The following CSMD3 variants were observed in gnomAD, a reference collection of about 807,000 sequenced individuals.
CSMD3 encodes the protein CUB and sushi domain-containing protein 3.
Under a neutral mutation model 435.2 loss-of-function variants are expected in CSMD3, and 177 were observed. The ratio of observed to expected loss-of-function variants is 0.41; its 90% CI spans 0.36 to 0.46. The LOEUF (loss-of-function observed/expected upper bound fraction) is 0.46, where lower values mean the gene tolerates loss of function less well. Ranked by LOEUF, CSMD3 falls within the 20% of genes least tolerant of loss-of-function variation. CSMD3 has a pLI of 0.34. For synonymous variants in CSMD3, 1,656 were observed against 1,520.5 expected, an observed-to-expected ratio of 1.09 and a Z score of -2.07; for missense variants, 4,265 against 4,504.6, an observed-to-expected ratio of 0.95 and a Z score of 1.52.
At chr8:112,649,549 A>G (rs2075068971) in intron 19 of CSMD3, among the ~76,000 whole-genome samples, 2 of 152,236 alleles carry the variant, frequency 1.3e-5, no homozygotes, top group Admixed American at 1.3e-4. Flanking sequence ...CAAGCATGCA[A>G]GCACTTCCCA....
At chr8:113,074,809 A>G (rs1278227888) in intron 5 of CSMD3, among the ~76,000 whole-genome samples, 1 of 151,860 alleles carries the variant, frequency 6.6e-6, no homozygotes, top group African/African-American at 2.4e-5. Context: ...AGTAAGGTTA[A>G]TTTCAAGGGC....
chr8:113,032,850 T>G (rs1224745667), intron 5 of CSMD3, among the ~76,000 whole-genome samples: 2 of 151,430 alleles, frequency 1.3e-5, no homozygotes, highest in Non-Finnish European at 1.5e-5. Flanking sequence ...TGGGCTGCAC[T>G]CAGGGCCCCA....
chr8:113,370,227 T>A (rs1002044723), intron 1 of CSMD3, among the ~76,000 whole-genome samples: 1 of 151,104 alleles, frequency 6.6e-6, no homozygotes, highest in Admixed American at 6.6e-5. Flanking sequence ...AAAAAACACA[T>A]AAAAGGATTG....
intron 1 of CSMD3, among the ~76,000 whole-genome samples, chr8:113,414,003 AGAC>A (rs546733933): frequency 5.3e-4 from 80 of 152,344 alleles, no homozygotes; most frequent in Non-Finnish European, 9.8e-4. Flanking sequence ...AGGAAACAGA[AGAC>A]GAAATAGGAG....
intron 5 of CSMD3, among the ~76,000 whole-genome samples, chr8:113,077,844 A>G (rs948575960): frequency 7.9e-5 from 12 of 152,356 alleles, no homozygotes; most frequent in South Asian, 2.1e-4. Context: ...AAACAGTATG[A>G]AAATGAAACA....
chr8:113,267,558 A>G (rs543911396), intron 3 of CSMD3, among the ~76,000 whole-genome samples: 2 of 151,822 alleles, frequency 1.3e-5, no homozygotes, highest in African/African-American at 4.8e-5. Context: ...CAAATGAGGT[A>G]GATGGTGGGA....
intron 27 of CSMD3, among the ~76,000 whole-genome samples, chr8:112,523,755 A>G (rs191427069): frequency 3.7e-4 from 56 of 152,164 alleles, no homozygotes; most frequent in African/African-American, 1.3e-3. Context: ...TGATCCATCA[A>G]TTTTATAAAG....
At chr8:113,004,605 C>A (rs574999956) in intron 6 of CSMD3, among the ~76,000 whole-genome samples, 9 of 151,776 alleles carry the variant, frequency 5.9e-5, no homozygotes, top group Non-Finnish European at 2.9e-5. Flanking sequence ...GAGCATTGAG[C>A]GCAAGATTTA....
In CSMD3 at chr8:112,241,568, T is replaced by A. The variant is rs566108857; in HGVS notation, c.10468+152A>T. Reference sequence around the variant, plus strand: ...TAACATGTCACTGTATTACATTGCTTTAAATTCAACATCTTGTGAATTATC... The same window carrying A: ...TAACATGTCACTGTATTACATTGCTATAAATTCAACATCTTGTGAATTATC... On this transcript the variant is annotated intron_variant, in intron 66 of 70. Transcript: ENST00000297405. The A allele has an allele frequency of 1.5e-4, 96 of 633,974 alleles. No homozygotes were observed. The South Asian group carries it at 1.7e-3, about 11-fold the overall frequency. 39.3% of individuals were successfully genotyped at this position (633,974 alleles called of 1,614,324 possible).
intron 37 of CSMD3, 75 bp downstream of exon 37, chr8:112,383,492 T>C (rs1440032146): frequency 2.4e-6 from 2 of 818,764 alleles, no homozygotes; most frequent in Non-Finnish European, 4.2e-6. Flanking sequence ...AAGTAAGAGT[T>C]GTAGATAGCT....
At chr8:113,215,002 A>G (rs1041013449) in intron 3 of CSMD3, among the ~76,000 whole-genome samples, 10 of 151,932 alleles carry the variant, frequency 6.6e-5, no homozygotes, top group African/African-American at 2.4e-4. Context: ...AAACAATGAT[A>G]GTGTAAAGAG....
rs186150965 is a variant in CSMD3, at chr8:112,714,744, C to G, written c.1973-24694G>C. ...ACAGTCTCTCAGACCACAGTGCAAT[C>G]AAATTAGAACTCAGGATTATGAAAC... On this transcript the variant is annotated intron_variant, in intron 13 of 70. Coordinates refer to ENST00000297405, the MANE Select transcript of CSMD3 (RefSeq NM_198123.2). Among the ~76,000 whole-genome samples, 17 of 152,270 alleles carry G rather than the reference C, an allele frequency of 1.1e-4. No individual in the cohort carries two copies. In the East Asian group the frequency reaches 3.3e-3, roughly 29 times the overall value.
chr8:112,898,882 G>A (rs2130412899), intron 10 of CSMD3, among the ~76,000 whole-genome samples: 1 of 151,250 alleles, frequency 6.6e-6, no homozygotes, highest in East Asian at 2.0e-4. Context: ...GGAAACTGCA[G>A]AAGACATAAA....
At chr8:113,201,270 A>C (rs1316360104) in intron 3 of CSMD3, among the ~76,000 whole-genome samples, 1 of 152,028 alleles carries the variant, frequency 6.6e-6, no homozygotes, top group Non-Finnish European at 1.5e-5. Flanking sequence ...AATGAAATTC[A>C]TTGAGAGTGT....
intron 3 of CSMD3, among the ~76,000 whole-genome samples, chr8:113,243,054 C>T (rs1210185302): frequency 1.3e-5 from 2 of 151,766 alleles, no homozygotes; most frequent in African/African-American, 2.4e-5. Context: ...GTTATTAAAG[C>T]AATTTTAACT....
intron 38 of CSMD3, 117 bp from the exon 39 acceptor site, chr8:112,352,651 A>C (rs531836698): frequency 1.1e-6 from 1 of 877,800 alleles, no homozygotes; most frequent in South Asian, 1.3e-5. Flanking sequence ...TACTATATTG[A>C]GACGTTGAGA....
At chr8:112,364,334 G>T (rs180687219) in intron 38 of CSMD3, among the ~76,000 whole-genome samples, 89 of 152,014 alleles carry the variant, frequency 5.9e-4, no homozygotes, top group African/African-American at 2.0e-3. Flanking sequence ...TAGGGGAAGA[G>T]AAAATCTATT....
At chr8:112,659,385 A>C (rs1348291687) in intron 17 of CSMD3, among the ~76,000 whole-genome samples, 1 of 152,218 alleles carries the variant, frequency 6.6e-6, no homozygotes, top group East Asian at 1.9e-4. Context: ...TGCTAAACAA[A>C]TATTATGGTA....
At chr8:113,212,369 C>G (rs1438708883) in intron 3 of CSMD3, among the ~76,000 whole-genome samples, 2 of 152,052 alleles carry the variant, frequency 1.3e-5, no homozygotes, top group African/African-American at 2.4e-5. Flanking sequence ...ACAATAAGTA[C>G]AAGTTTAATT....
Sources: gnomAD v4.1 joint callset for allele counts (sites outside exome capture counted in the v4.1 genomes callset) on GRCh38, gnomAD v4.1.1 for gene constraint, MANE v1.5 for transcripts, NCBI Gene and HGNC (gene_info 2026-07-23, HGNC 2026-07-21) for gene names.